The following MROH2A variants were observed in gnomAD, a reference collection of about 807,000 sequenced individuals.
MROH2A encodes maestro heat-like repeat-containing protein family member 2A.
A neutral mutation model predicts 200.4 loss-of-function variants in MROH2A; 174 were observed. That is an observed-to-expected ratio of 0.87 (90% CI 0.77 to 0.98). The LOEUF is 0.98. MROH2A is among the 50% of genes least tolerant of loss of function. The pLI, the probability that MROH2A is intolerant of heterozygous loss-of-function variation, is 0.00. For missense variants in MROH2A, 2,045 were observed against 2,139.6 expected (o/e 0.96, Z 0.87); for synonymous variants, 829 against 840.4 (o/e 0.99, Z 0.23).
rs1414967650 is a variant in MROH2A at position 233,796,021 on chromosome 2, A to G, written c.1114A>G (p.Met372Val). The change falls in exon 10 of 42, where the codon ATG becomes GTG. Residue 372 changes from methionine (M) to valine (V), a missense_variant. Met to Val is a conservative substitution (Grantham distance 21, BLOSUM62 1). This residue lies in a region of MROH2A where 831 missense variants were observed against 800.0 expected (regional missense o/e 1.04). Transcript: ENST00000389758. ...GTACAGCAGCCAGAATCTGATGGAGATGGTGCACTGCTTCGTAGCCCTTGG... is the reference window on the plus strand; with the variant it reads ...GTACAGCAGCCAGAATCTGATGGAGGTGGTGCACTGCTTCGTAGCCCTTGG... The part of the protein sequence containing the change: ...HQYSSQNLME[M>V]VHCFVALARS... 5.2e-6 allele frequency: 8 copies of G among 1,550,526 alleles called. No homozygotes were observed. In the African/African-American group the frequency reaches 5.5e-5, roughly 11 times the overall value.
intron 3 of MROH2A, among the ~76,000 whole-genome samples, chr2:233,788,904 A>T (rs911391022): frequency 6.1e-5 from 8 of 130,380 alleles, no homozygotes; most frequent in African/African-American, 2.3e-4. Context: ...GCGCCACTGC[A>T]CTCCAGCCCG....
chr2:233,829,484 G>C, intron 37 of MROH2A, 136 bp from the exon 38 acceptor site: 1 of 857,262 alleles, frequency 1.2e-6, no homozygotes, highest in Non-Finnish European at 1.6e-6. Context: ...CCCTGCCAAA[G>C]GAGAGACTAC....
rs370404374 is a variant in MROH2A at position 233,787,699 on chromosome 2, TCATATAA to T, written c.277-1797_277-1791del. On this transcript the variant is annotated intron_variant, in intron 3 of 41. Coordinates refer to ENST00000389758, the MANE Select transcript of MROH2A (RefSeq NM_001394639.1). ...TATATATACATATATATTATATATA[TCATATAA>T]ACATATATATTATATATATCATATA... Among the ~76,000 whole-genome samples, 118 of 43,304 alleles carry T rather than the reference TCATATAA, an allele frequency of 2.7e-3. 1 individual carries two copies. Among genetic ancestry groups the T allele is most frequent in the Non-Finnish European group, 3.6e-3 (92 of 25,644 alleles). The allele number at this position is 43,304 out of a possible 152,430, so 28.4% of individuals were successfully genotyped here.
intron 19 of MROH2A, among the ~76,000 whole-genome samples, chr2:233,805,736 T>A (rs1451100435): frequency 6.6e-6 from 1 of 152,168 alleles, no homozygotes; most frequent in Non-Finnish European, 1.5e-5. Context: ...ATTGATAAAA[T>A]AGAAGTGAGA....
rs1704811620 is a variant in MROH2A, at chr2:233,832,220, C to T, written c.4778C>T (p.Thr1593Ile). The change falls in exon 40 of 42, where the codon ACA (threonine) becomes ATA (isoleucine). Residue 1593 changes from threonine to isoleucine, a missense_variant. Thr to Ile is a moderately conservative substitution (Grantham distance 89). Transcript: ENST00000389758. ...GTTCTCTACCGCTTCTTGCTAGAAA[C>T]AATGGCCTATGTTAAAAATAACTTG... ...PAVLYRFLLE[T>I]MAYVKNNLSR... The T allele has an allele frequency of 2.2e-5, 34 of 1,550,720 alleles. No homozygotes were observed. The highest frequency in any genetic ancestry group is 2.9e-5 in the Non-Finnish European group (33 of 1,147,042).
intron 12 of MROH2A, among the ~76,000 whole-genome samples, chr2:233,799,446 T>C (rs1702318400): frequency 6.6e-6 from 1 of 152,134 alleles, no homozygotes; most frequent in Admixed American, 6.5e-5. Flanking sequence ...CTCCTTCACA[T>C]AGTGATTCTC....
rs1702672747 is a variant in MROH2A, at chr2:233,804,556, G to A, written c.1944+9G>A. On this transcript the variant is annotated intron_variant, in intron 18 of 41. Transcript: ENST00000389758. ...AAGACAAGCTGATTCAGGTAAACGG[G>A]TAACAAGTTTGCTGAGGCCTGGGAG... 1 of 1,551,134 alleles carries A rather than the reference G, an allele frequency of 6.4e-7. No individual in the cohort carries two copies. The highest frequency in any genetic ancestry group is 1.4e-5 in the African/African-American group (1 of 73,044).
At position 233,812,765 on chromosome 2, in the gene MROH2A, C is replaced by CA. The variant is rs1031271880; in HGVS notation, c.2651+815dup. On this transcript the variant is annotated intron_variant, in intron 24 of 41. Coordinates refer to ENST00000389758, the MANE Select transcript of MROH2A (RefSeq NM_001394639.1). Reference sequence around the variant, plus strand: ...ACATCAGCAAAAAAATATCTGAGAACAAAAAAAAAGGGGCTACTAACAAAA... The same window carrying CA: ...ACATCAGCAAAAAAATATCTGAGAACAAAAAAAAAAGGGGCTACTAACAAAA... Among the ~76,000 whole-genome samples, 38 of 150,284 alleles carry CA rather than the reference C, an allele frequency of 2.5e-4. 1 individual carries two copies. The highest frequency in any genetic ancestry group is 1.5e-3 in the Admixed American group (23 of 15,070).
At chr2:233,804,236 G>C (rs369445251) in intron 17 of MROH2A, 44 bp downstream of exon 17, 4 of 1,547,062 alleles carry the variant, frequency 2.6e-6, no homozygotes, top group Non-Finnish European at 3.5e-6. Flanking sequence ...CCTCCAATCC[G>C]TGTATGTGCT....
chr2:233,815,403 G>C (rs896979335), intron 26 of MROH2A, among the ~76,000 whole-genome samples: 1 of 152,124 alleles, frequency 6.6e-6, no homozygotes, highest in East Asian at 1.9e-4. Flanking sequence ...GAAGTTTTTG[G>C]TTTTGACGAA....
intron 30 of MROH2A, 41 bp downstream of exon 30, chr2:233,819,510 G>A: frequency 6.5e-7 from 1 of 1,540,436 alleles, no homozygotes; most frequent in Non-Finnish European, 8.8e-7. Flanking sequence ...GAGGGGCTGG[G>A]GCTGCCTGGT....
intron 24 of MROH2A, 121 bp from the exon 25 acceptor site, chr2:233,813,549 A>G: frequency 1.6e-6 from 1 of 629,130 alleles, no homozygotes; most frequent in African/African-American, 1.8e-5. Context: ...CAGAGCCTCC[A>G]ACTGGAGAAG....
At chr2:233,799,167 A>T (rs1702299369) in intron 12 of MROH2A, among the ~76,000 whole-genome samples, 1 of 152,120 alleles carries the variant, frequency 6.6e-6, no homozygotes, top group Non-Finnish European at 1.5e-5. Context: ...TCGCATGTGA[A>T]AAAAGCAACT....
At chr2:233,804,423 G>A in intron 17 of MROH2A, 72 bp from the exon 18 acceptor site, 1 of 1,495,316 alleles carries the variant, frequency 6.7e-7, no homozygotes. Context: ...GAGGCATAGA[G>A]GGCCTTGAAT....
chr2:233,822,486 GC>G lies in MROH2A; in HGVS notation c.3800del (p.Pro1267ArgfsTer4), dbSNP rs761162095. On this transcript the variant is annotated frameshift_variant, in exon 33 of 42. Coordinates refer to ENST00000389758, the MANE Select transcript of MROH2A (RefSeq NM_001394639.1). LOFTEE classifies it high-confidence loss of function. ...TGGAAGCAGCCACCGACCAGAGGCC[GC>G]CCCGCCGGTCTTGAAGATGTGGAAG... ...QLGSSHRPEA[A>X]PPVLKMWKLV... 1 of 1,550,410 alleles carries G rather than the reference GC, an allele frequency of 6.4e-7. No homozygotes were observed. The highest frequency in any genetic ancestry group is 8.7e-7 in the Non-Finnish European group (1 of 1,147,010).
At chr2:233,800,072 T>A (rs929023420) in intron 13 of MROH2A, 133 bp from the exon 14 acceptor site, 12 of 1,095,342 alleles carry the variant, frequency 1.1e-5, no homozygotes, top group Admixed American at 9.2e-5. Context: ...GTCCTAGATA[T>A]ATGCACAGCT....
chr2:233,823,049 G>T, intron 34 of MROH2A, 31 bp downstream of exon 34: 1 of 1,547,654 alleles, frequency 6.5e-7, no homozygotes, highest in Non-Finnish European at 8.7e-7. Flanking sequence ...GGTGGCAGGG[G>T]GACCTGCAGA....
Position 233,795,695 on chromosome 2 carries a change from C to T in MROH2A, c.1009C>T (p.Pro337Ser), listed in dbSNP as rs1313919930. The change falls in exon 9 of 42, where the codon CCT (proline) becomes TCT (serine). Residue 337 changes from proline to serine, a missense_variant. Around this residue, in one of 3 missense-constraint regions of MROH2A, gnomAD observed 831 missense variants for 800.0 expected, o/e 1.04. Coordinates refer to ENST00000389758, the MANE Select transcript of MROH2A (RefSeq NM_001394639.1). The part of the protein sequence containing the change: ...ILELSVTTNT[P>S]VPQMQLHTIF... ...GGAACTGTCAGTCACCACCAACACCCCTGTCCCCCAAATGCAGCTACACAC... is the reference window on the plus strand; with the variant it reads ...GGAACTGTCAGTCACCACCAACACCTCTGTCCCCCAAATGCAGCTACACAC... 2 of 1,551,134 alleles carry T rather than the reference C, an allele frequency of 1.3e-6. No homozygotes were observed. Among genetic ancestry groups the T allele is most frequent in the Admixed American group, 3.9e-5 (2 of 51,014 alleles).
At position 233,807,997 on chromosome 2, in the gene MROH2A, C is replaced by T; in HGVS notation, c.2295+142C>T. The T allele has an allele frequency of 8.8e-7, 1 of 1,137,760 alleles. No homozygotes were observed. The highest frequency in any genetic ancestry group is 1.2e-6 in the Non-Finnish European group (1 of 800,752). 70.5% of individuals were successfully genotyped at this position (1,137,760 alleles called of 1,614,324 possible). On this transcript the variant is annotated intron_variant, in intron 21 of 41. Coordinates refer to ENST00000389758, the MANE Select transcript of MROH2A (RefSeq NM_001394639.1). The surrounding 1 kb of genome is among the most constrained non-coding windows in gnomAD (Gnocchi z 4.3). Reference sequence around the variant, plus strand: ...GTCATCAAAATGGCTGAGACATTGTCTTACTCTGAGACCTCCTGGACAGAG... The same window carrying T: ...GTCATCAAAATGGCTGAGACATTGTTTTACTCTGAGACCTCCTGGACAGAG...
Sources: allele counts gnomAD v4.1 joint callset (sites outside exome capture counted in the v4.1 genomes callset), GRCh38; gene constraint gnomAD v4.1.1; regional missense constraint gnomAD v4.1.1; non-coding constraint Gnocchi (gnomAD v3.1); transcripts MANE v1.5; gene names NCBI Gene and HGNC (gene_info 2026-07-23, HGNC 2026-07-21).